TNFRSF11B: variants seen among roughly 807,000 people sequenced by gnomAD.
TNFRSF11B encodes tumor necrosis factor receptor superfamily member 11B.
In TNFRSF11B, 16 loss-of-function variants were observed where a neutral mutation model predicts 43.4. The ratio of observed to expected loss-of-function variants is 0.37; its 90% confidence interval spans 0.25 to 0.56. TNFRSF11B has a LOEUF of 0.56. Among genes scored for constraint, TNFRSF11B ranks in the 20% least tolerant of loss-of-function variants. The probability of loss-of-function intolerance (pLI) is 0.80; values close to 1 mark genes in which losing one functional copy is unlikely to be tolerated. For synonymous variants in TNFRSF11B, 185 were observed against 181.8 expected (o/e 1.02, Z -0.14); for missense variants, 444 against 490.1 (o/e 0.91, Z 0.89).
chr8:118,923,907 GATA>G lies in TNFRSF11B; in HGVS notation c.*464_*466del, dbSNP rs1263274599. 1 of 153,204 alleles carries G rather than the reference GATA, an allele frequency of 6.5e-6. No homozygotes were observed. Among genetic ancestry groups the G allele is most frequent in the African/African-American group, 2.4e-5 (1 of 41,404 alleles). The allele number at this position is 153,204 out of a possible 1,614,324, so 9.5% of individuals were successfully genotyped here. A position where few individuals can be genotyped will look rare whatever the true frequency, so the allele number is the denominator to read the frequency against. On this transcript the variant is annotated 3_prime_UTR_variant, in exon 5 of 5. Transcript: ENST00000297350. The stretch of plus-strand genomic sequence containing the variant: ...AAGTCATACCGTTTCTTTATAGGAT[GATA>G]ATATGTACAAATCTTATATCTGAAT...
intron 1 of TNFRSF11B, among the ~76,000 whole-genome samples, chr8:118,950,408 C>CA (rs1422842258): frequency 2.6e-5 from 4 of 152,026 alleles, no homozygotes; most frequent in Non-Finnish European, 5.9e-5. Context: ...AAGTCAAATG[C>CA]AAAAAATTGA....
At chr8:118,934,355 T>C (rs943070414) in intron 1 of TNFRSF11B, among the ~76,000 whole-genome samples, 1 of 152,200 alleles carries the variant, frequency 6.6e-6, no homozygotes, top group Non-Finnish European at 1.5e-5. Flanking sequence ...AAACATCATA[T>C]TGACCAGCAG....
chr8:118,944,967 A>G (rs1001483686), intron 1 of TNFRSF11B, among the ~76,000 whole-genome samples: 1 of 152,116 alleles, frequency 6.6e-6, no homozygotes, highest in African/African-American at 2.4e-5. Context: ...CATAACTTCT[A>G]TGCATATTGG....
chr8:118,929,800 GT>G (rs1812301475), intron 2 of TNFRSF11B, among the ~76,000 whole-genome samples: 1 of 152,202 alleles, frequency 6.6e-6, no homozygotes, highest in African/African-American at 2.4e-5. Context: ...TCCATCTAGT[GT>G]AAGCTAGTTG....
chr8:118,946,430 T>G (rs1157710820), intron 1 of TNFRSF11B, among the ~76,000 whole-genome samples: 1 of 152,140 alleles, frequency 6.6e-6, no homozygotes, highest in East Asian at 1.9e-4. Context: ...TCTGTGGTAG[T>G]GAGTTCCAAA....
At chr8:118,932,309 G>A (rs1020962162) in intron 2 of TNFRSF11B, among the ~76,000 whole-genome samples, 18 of 152,160 alleles carry the variant, frequency 1.2e-4, no homozygotes, top group Non-Finnish European at 2.5e-4. Flanking sequence ...GCAAGTGCTT[G>A]CTCTTGGCTT....
intron 1 of TNFRSF11B, among the ~76,000 whole-genome samples, chr8:118,936,558 A>G (rs1484431377): frequency 6.6e-6 from 1 of 152,174 alleles, no homozygotes; most frequent in African/African-American, 2.4e-5. Flanking sequence ...GCGATGAAAA[A>G]TATGCCACAG....
chr8:118,947,159 G>A (rs1040078086), intron 1 of TNFRSF11B, among the ~76,000 whole-genome samples: 2 of 152,210 alleles, frequency 1.3e-5, no homozygotes, highest in African/African-American at 2.4e-5. Flanking sequence ...GGTGGGTAGG[G>A]TGTTATGTGT....
intron 1 of TNFRSF11B, 26 bp from the exon 2 acceptor site, chr8:118,933,326 C>T: frequency 1.9e-6 from 3 of 1,611,402 alleles, no homozygotes; most frequent in Non-Finnish European, 2.5e-6. Context: ...AACACAGTGG[C>T]ATCATCTTAG....
Position 118,933,180 on chromosome 8 carries a change from T to C in TNFRSF11B, c.151A>G (p.Lys51Glu). 4 of 1,614,152 alleles carry C rather than the reference T, an allele frequency of 2.5e-6. No individual in the cohort carries two copies. The highest frequency in any genetic ancestry group is 1.3e-5 in the African/African-American group (1 of 75,034). The change falls in exon 2 of 5, where the codon AAA becomes GAA. Residue 51 changes from lysine (K) to glutamate (E), a missense_variant. Transcript: ENST00000297350. ...CDKCPPGTYL[K>E]QHCTAKWKTV... is the part of the protein sequence containing the mutation. ...TTCCACTTTGCTGTACAGTGTTGTT[T>C]TAGGTAGGTACCAGGAGGACATTTG...
intron 3 of TNFRSF11B, 67 bp from the exon 4 acceptor site, chr8:118,926,785 C>A: frequency 7.3e-7 from 1 of 1,378,820 alleles, no homozygotes; most frequent in Non-Finnish European, 1.0e-6. Flanking sequence ...CTATTCAATA[C>A]AAACAAAAAC....
In TNFRSF11B at chr8:118,926,603, A is replaced by T. The variant is rs754392133; in HGVS notation, c.708T>A (p.Ser236Arg). 6.2e-7 allele frequency: 1 copy of T among 1,613,732 alleles called. No individual in the cohort carries two copies. Among genetic ancestry groups the T allele is most frequent in the African/African-American group, 1.3e-5 (1 of 74,816 alleles). The change falls in exon 4 of 5, where the codon AGT (serine) becomes AGA (arginine). Residue 236 changes from serine (S) to arginine (R), a missense_variant. Coordinates refer to ENST00000297350, the MANE Select transcript of TNFRSF11B (RefSeq NM_002546.4). Reference sequence around the variant, plus strand: ...TGTGTTGCCGTTTTATCCTCTCTACACTCTCTGCGTTTACTTTGGTGCCAG... The same window carrying T: ...TGTGTTGCCGTTTTATCCTCTCTACTCTCTCTGCGTTTACTTTGGTGCCAG... ...NLPGTKVNAE[S>R]VERIKRQHSS...
At position 118,928,926 on chromosome 8, in the gene TNFRSF11B, G is replaced by A; in HGVS notation, c.404C>T (p.Thr135Ile). 6.2e-7 allele frequency: 1 copy of A among 1,614,072 alleles called. No homozygotes were observed. Residue 135 changes from threonine to isoleucine, a missense_variant, in exon 3 of 5, where the codon ACC (threonine) becomes ATC (isoleucine). Transcript: ENST00000297350. ...PPGFGVVQAG[T>I]PERNTVCKRC... ...TTTGCAAACTGTATTTCGCTCTGGGGTTCCTACAGAAAATACCAAGCAATT... is the reference window on the plus strand; with the variant it reads ...TTTGCAAACTGTATTTCGCTCTGGGATTCCTACAGAAAATACCAAGCAATT...
intron 1 of TNFRSF11B, among the ~76,000 whole-genome samples, chr8:118,936,277 T>C (rs542271771): frequency 1.2e-4 from 18 of 152,322 alleles, no homozygotes; most frequent in African/African-American, 3.1e-4. Flanking sequence ...AATAATCACA[T>C]ATATTTTTAA....
intron 1 of TNFRSF11B, among the ~76,000 whole-genome samples, chr8:118,938,850 T>C (rs1356163129): frequency 1.3e-5 from 2 of 152,338 alleles, no homozygotes; most frequent in East Asian, 3.9e-4. Flanking sequence ...ATTTTTGCAT[T>C]ATGCAATGCA....
In TNFRSF11B at chr8:118,930,278, G is replaced by A. The variant is rs770752227; in HGVS notation, c.401-1349C>T. Among the ~76,000 whole-genome samples the A allele has an allele frequency of 3.9e-5, 6 of 152,170 alleles. No homozygotes were observed. The South Asian group carries it at 6.2e-4, about 16-fold the overall frequency. On this transcript the variant is annotated intron_variant, in intron 2 of 4. Coordinates refer to ENST00000297350, the MANE Select transcript of TNFRSF11B (RefSeq NM_002546.4). ...AAATTCTACAATATCATAAGCAGAGGTATTTGGGCAGGGATTCCATGGCAT... is the reference window on the plus strand; with the variant it reads ...AAATTCTACAATATCATAAGCAGAGATATTTGGGCAGGGATTCCATGGCAT...
chr8:118,924,843 AG>A, intron 4 of TNFRSF11B, 81 bp from the exon 5 acceptor site: 1 of 1,553,418 alleles, frequency 6.4e-7, no homozygotes, highest in Non-Finnish European at 8.8e-7. Flanking sequence ...GTGAGGCAAA[AG>A]GTTCTTGCAG....
chr8:118,951,867 A>C lies in TNFRSF11B; in HGVS notation c.-46T>G. The C allele has an allele frequency of 1.3e-6, 2 of 1,552,074 alleles. No individual in the cohort carries two copies. Among genetic ancestry groups the C allele is most frequent in the Non-Finnish European group, 1.7e-6 (2 of 1,143,514 alleles). On this transcript the variant is annotated 5_prime_UTR_variant, in exon 1 of 5. Coordinates refer to ENST00000297350, the MANE Select transcript of TNFRSF11B (RefSeq NM_002546.4). ...GGGGCTTGGAGGCGGCGGCTGGGCGAGCGCTCCGGTGCGTCTCCGCAGCCC... is the reference window on the plus strand; with the variant it reads ...GGGGCTTGGAGGCGGCGGCTGGGCGCGCGCTCCGGTGCGTCTCCGCAGCCC...
In TNFRSF11B at chr8:118,924,726, A is replaced by G; in HGVS notation, c.854T>C (p.Ile285Thr). ...DLCENSVQRH[I>T]GHANLTFEQL... ...CTCGAAGGTGAGGTTAGCATGTCCAATGTGCCGCTGCACGCTGTTTTCACA... is the reference window on the plus strand; with the variant it reads ...CTCGAAGGTGAGGTTAGCATGTCCAGTGTGCCGCTGCACGCTGTTTTCACA... Residue 285 changes from isoleucine to threonine, a missense_variant, in exon 5 of 5, where the codon ATT (isoleucine) becomes ACT (threonine). Coordinates refer to ENST00000297350, the MANE Select transcript of TNFRSF11B (RefSeq NM_002546.4). The G allele has an allele frequency of 6.2e-7, 1 of 1,614,186 alleles. No homozygotes were observed. Among genetic ancestry groups the G allele is most frequent in the Non-Finnish European group, 8.5e-7 (1 of 1,180,032 alleles).
Sources: gnomAD v4.1 joint callset for allele counts (sites outside exome capture counted in the v4.1 genomes callset) on GRCh38, gnomAD v4.1.1 for gene constraint, MANE v1.5 for transcripts, NCBI Gene and HGNC (gene_info 2026-07-23, HGNC 2026-07-21) for gene names.